The following TTC28 variants were observed in gnomAD, a reference collection of about 807,000 sequenced individuals.
TTC28 encodes the protein tetratricopeptide repeat protein 28.
A neutral mutation model predicts 198.0 loss-of-function variants in TTC28; 61 were observed. The ratio of observed to expected loss-of-function variants is 0.31; its 90% CI spans 0.25 to 0.38. TTC28 has a LOEUF of 0.38. Ranked by LOEUF, TTC28 falls within the 10% of genes least tolerant of loss-of-function variation. TTC28 has a pLI of 1.00. For missense variants in TTC28, 2,678 were observed against 3,164.0 expected (o/e 0.85, Z 3.69); for synonymous variants, 1,171 against 1,297.8 (o/e 0.90, Z 2.10).
intron 5 of TTC28, among the ~76,000 whole-genome samples, chr22:28,263,589 G>A (rs1030741128): frequency 6.6e-6 from 1 of 151,976 alleles, no homozygotes; most frequent in Non-Finnish European, 1.5e-5. Flanking sequence ...ACACTATTCA[G>A]TACATTCCTG....
chr22:28,407,762 G>A (rs2047020924), intron 2 of TTC28, among the ~76,000 whole-genome samples: 1 of 152,208 alleles, frequency 6.6e-6, no homozygotes, highest in Non-Finnish European at 1.5e-5. Context: ...AGAATCACTC[G>A]CTGACAAATT....
intron 2 of TTC28, among the ~76,000 whole-genome samples, chr22:28,570,881 T>C (rs540567485): frequency 3.3e-5 from 5 of 152,276 alleles, no homozygotes; most frequent in South Asian, 4.1e-4. Context: ...GTCAAGGAGA[T>C]ACAAGGCACT....
chr22:28,094,653 T>A (rs1941918604), intron 11 of TTC28, among the ~76,000 whole-genome samples: 1 of 152,172 alleles, frequency 6.6e-6, no homozygotes, highest in African/African-American at 2.4e-5. Context: ...ATTGACCAAG[T>A]GGAAATTGTG....
intron 12 of TTC28, among the ~76,000 whole-genome samples, chr22:28,066,814 C>T (rs1158835092): frequency 1.3e-5 from 2 of 152,110 alleles, no homozygotes; most frequent in South Asian, 2.1e-4. Context: ...TGGGGTCTGT[C>T]GCCAGGCACC....
chr22:28,303,623 T>C (rs2045072094), intron 3 of TTC28: 1 of 152,092 alleles, frequency 6.6e-6, no homozygotes, highest in African/African-American at 2.4e-5. Flanking sequence ...GTCCCTGCCT[T>C]AAAAGAAATA....
chr22:28,006,428 C>A (rs985884030), intron 14 of TTC28: 1 of 152,188 alleles, frequency 6.6e-6, no homozygotes, highest in Non-Finnish European at 1.5e-5. Context: ...GATACTGCCC[C>A]TATTATTTAT....
At chr22:28,060,246 C>T (rs1940464602) in intron 12 of TTC28, among the ~76,000 whole-genome samples, 1 of 152,136 alleles carries the variant, frequency 6.6e-6, no homozygotes, top group South Asian at 2.1e-4. Context: ...ATCCTTCCCC[C>T]ATCCCCCAAC....
chr22:28,478,061 T>C (rs1601447297), intron 2 of TTC28, among the ~76,000 whole-genome samples: 1 of 152,252 alleles, frequency 6.6e-6, no homozygotes, highest in East Asian at 1.9e-4. Context: ...ACCTCTCAAG[T>C]TTTGTGGATG....
At chr22:28,502,958 T>C (rs753407040) in intron 2 of TTC28, among the ~76,000 whole-genome samples, 11 of 152,160 alleles carry the variant, frequency 7.2e-5, no homozygotes, top group Non-Finnish European at 1.6e-4. Context: ...CTAATTTAGG[T>C]TGAATGTTTA....
intron 5 of TTC28, among the ~76,000 whole-genome samples, chr22:28,213,663 C>A (rs935822914): frequency 9.0e-5 from 13 of 144,656 alleles, no homozygotes; most frequent in South Asian, 2.3e-4. Flanking sequence ...TTCCATGCTC[C>A]GGGATAGGAA....
At chr22:28,347,726 G>A (rs1231495486) in intron 2 of TTC28, among the ~76,000 whole-genome samples, 4 of 152,154 alleles carry the variant, frequency 2.6e-5, no homozygotes. Context: ...ACAAAAATTA[G>A]CCAGGTGTGG....
At chr22:28,406,203 A>G (rs1378989466) in intron 2 of TTC28, among the ~76,000 whole-genome samples, 2 of 152,266 alleles carry the variant, frequency 1.3e-5, no homozygotes, top group African/African-American at 4.8e-5. Flanking sequence ...TAACTCTTAA[A>G]TTACAATGAA....
At chr22:28,540,171 C>A (rs2049381902) in intron 2 of TTC28, among the ~76,000 whole-genome samples, 1 of 152,044 alleles carries the variant, frequency 6.6e-6, no homozygotes, top group Non-Finnish European at 1.5e-5. Flanking sequence ...TGGTCTCTAT[C>A]TCCTGACCTC....
At chr22:28,606,419 CTCTTT>C (rs1186677747) in intron 2 of TTC28, among the ~76,000 whole-genome samples, 2 of 152,042 alleles carry the variant, frequency 1.3e-5, no homozygotes. Context: ...TTCTAAGTAT[CTCTTT>C]TCTTTAAAAA....
At chr22:28,253,774 A>C (rs1341651049) in intron 5 of TTC28, among the ~76,000 whole-genome samples, 1 of 152,118 alleles carries the variant, frequency 6.6e-6, no homozygotes, top group African/African-American at 2.4e-5. Flanking sequence ...TTCCTATCTG[A>C]GTGACCAGGT....
chr22:28,404,637 C>A (rs1601349638), intron 2 of TTC28, among the ~76,000 whole-genome samples: 1 of 152,322 alleles, frequency 6.6e-6, no homozygotes, highest in East Asian at 1.9e-4. Flanking sequence ...ACCGCTTTTC[C>A]ACTCACCCCT....
At chr22:28,229,747 T>C (rs1460037779) in intron 5 of TTC28, among the ~76,000 whole-genome samples, 5 of 151,920 alleles carry the variant, frequency 3.3e-5, no homozygotes, top group African/African-American at 4.8e-5. Flanking sequence ...GCATTCAGAG[T>C]AGTAACTCAA....
chr22:28,574,351 G>A (rs2050111410), intron 2 of TTC28, among the ~76,000 whole-genome samples: 2 of 151,124 alleles, frequency 1.3e-5, no homozygotes, highest in South Asian at 4.2e-4. Flanking sequence ...GTACTCCACT[G>A]TTTGTGTGTG....
rs554908508 is a variant in TTC28 at position 28,596,640 on chromosome 22, T to C, written c.381+32912A>G. On this transcript the variant is annotated intron_variant, in intron 2 of 22. Transcript: ENST00000397906. ...GCAGCAGTGTCTACTAACATTTTAA[T>C]AGAAGTTAGAATAATGAGATTTTGA... Among the ~76,000 whole-genome samples the C allele has an allele frequency of 1.2e-4, 19 of 152,308 alleles. No homozygotes were observed. The South Asian group carries it at 3.9e-3, about 32-fold the overall frequency.
Sources: gnomAD v4.1 joint callset for allele counts (sites outside exome capture counted in the v4.1 genomes callset) on GRCh38, gnomAD v4.1.1 for gene constraint, MANE v1.5 for transcripts, NCBI Gene and HGNC (gene_info 2026-07-23, HGNC 2026-07-21) for gene names.